The following DLGAP2 variants were observed in gnomAD, a reference collection of about 807,000 sequenced individuals.
DLGAP2 encodes DLG associated protein 2, also known as disks large-associated protein 2.
DLGAP2 carries 26 observed loss-of-function variants against 100.3 expected under a neutral mutation model. The observed-to-expected ratio is 0.26, with a 90% CI of 0.19 to 0.36. The LOEUF (loss-of-function observed/expected upper bound fraction) is 0.36, where lower values mean the gene tolerates loss of function less well. DLGAP2 is among the 10% of genes least tolerant of loss of function. The pLI is 1.00. For synonymous variants in DLGAP2, 886 were observed against 630.1 expected, an observed-to-expected ratio of 1.41 and a Z score of -6.08; for missense variants, 1,858 against 1,453.2, an observed-to-expected ratio of 1.28 and a Z score of -4.53.
At position 861,305 on chromosome 8, in the gene DLGAP2, C is replaced by A. The variant is rs985914731; in HGVS notation, c.19-46607C>A. On this transcript the variant is annotated intron_variant, in intron 1 of 14. Transcript: ENST00000637795. ...CGTAGGTTAGGTACAGACACTGCCC[C>A]TTTTTATATAAGGGACTTGAGCATT... 1.7e-4 allele frequency among the ~76,000 whole-genome samples: 26 copies of A among 152,160 alleles called. 1 individual carries two copies.
chr8:1,250,780 T>G (rs530556350), intron 2 of DLGAP2, among the ~76,000 whole-genome samples: 166 of 152,330 alleles, frequency 1.1e-3, no homozygotes, highest in Non-Finnish European at 2.1e-3. Flanking sequence ...TTGAAGGAAC[T>G]GTCCTACACA....
At chr8:1,036,667 C>T (rs1156582648) in intron 2 of DLGAP2, among the ~76,000 whole-genome samples, 1 of 151,988 alleles carries the variant, frequency 6.6e-6, no homozygotes, top group Non-Finnish European at 1.5e-5. Context: ...AACCGTGCAC[C>T]CTAGAGAGCA....
At chr8:1,165,422 A>T (rs1585115348) in intron 2 of DLGAP2, among the ~76,000 whole-genome samples, 1 of 152,128 alleles carries the variant, frequency 6.6e-6, no homozygotes, top group East Asian at 1.9e-4. Flanking sequence ...CTGTGATCAG[A>T]GGCTGGTTTT....
intron 6 of DLGAP2, among the ~76,000 whole-genome samples, chr8:1,615,069 A>C (rs1173474613): frequency 6.6e-6 from 1 of 152,218 alleles, no homozygotes; most frequent in Non-Finnish European, 1.5e-5. Context: ...CTGTTACAGG[A>C]TGGAATTTGG....
At chr8:1,283,275 G>A (rs967076522) in intron 3 of DLGAP2, among the ~76,000 whole-genome samples, 74 of 149,938 alleles carry the variant, frequency 4.9e-4, no homozygotes, top group African/African-American at 1.7e-3. Context: ...TGAACCATCC[G>A]GACGTGGTGC....
rs185024537 is a variant in DLGAP2 at position 1,684,593 on chromosome 8, G to A, written c.2704+5964G>A. ...AACTGATTGAATGAATCTAGATTCA[G>A]TCAGTCTTCTATGGTTAATAAAATC... On this transcript the variant is annotated intron_variant, in intron 12 of 14. Coordinates refer to ENST00000637795, the MANE Select transcript of DLGAP2 (RefSeq NM_001346810.2). Among the ~76,000 whole-genome samples, 169 of 152,166 alleles carry A rather than the reference G, an allele frequency of 1.1e-3. 5 individuals are homozygous for A. The highest frequency in any genetic ancestry group is 3.8e-3 in the African/African-American group (156 of 41,488).
chr8:1,461,031 A>C (rs1033337008), intron 3 of DLGAP2, among the ~76,000 whole-genome samples: 2 of 150,986 alleles, frequency 1.3e-5, no homozygotes, highest in African/African-American at 4.9e-5. Context: ...TGGGCTGGGC[A>C]CAGTCGCTGA....
intron 3 of DLGAP2, among the ~76,000 whole-genome samples, chr8:1,356,576 C>T (rs1446473570): frequency 6.6e-6 from 1 of 152,066 alleles, no homozygotes; most frequent in Non-Finnish European, 1.5e-5. Context: ...ACCCTGTGGC[C>T]CCCCAGGCAG....
chr8:1,198,999 G>C (rs76904521), intron 2 of DLGAP2, among the ~76,000 whole-genome samples: 7,130 of 152,356 alleles, frequency 0.047, 307 homozygotes, highest in Admixed American at 0.12. Context: ...CTGAGTTTCA[G>C]CTGCTCCTTA....
At chr8:1,572,608 G>A (rs1244594896) in intron 6 of DLGAP2, among the ~76,000 whole-genome samples, 2 of 141,524 alleles carry the variant, frequency 1.4e-5, no homozygotes, top group Non-Finnish European at 3.1e-5. Context: ...AGAGGAGAGG[G>A]TGAACTGTGG....
chr8:1,697,442 A>T (rs1047932478), intron 14 of DLGAP2, 143 bp downstream of exon 14: 37 of 1,198,328 alleles, frequency 3.1e-5, no homozygotes, highest in Middle Eastern at 2.0e-4. Context: ...GTATGTGTGC[A>T]CATGTGTATA....
At chr8:915,660 GC>G in intron 2 of DLGAP2, among the ~76,000 whole-genome samples, 1 of 152,298 alleles carries the variant, frequency 6.6e-6, no homozygotes, top group South Asian at 2.1e-4. Flanking sequence ...GGCTGGTCAT[GC>G]GTTTGCCTTA....
At chr8:963,111 C>T (rs2129010475) in intron 2 of DLGAP2, among the ~76,000 whole-genome samples, 1 of 152,296 alleles carries the variant, frequency 6.6e-6, no homozygotes, top group South Asian at 2.1e-4. Context: ...GCATGAAAAG[C>T]AGCAACAGCG....
Position 1,479,631 on chromosome 8 carries a change from C to T in DLGAP2, c.107-21735C>T, listed in dbSNP as rs78767176. 7.8e-3 allele frequency among the ~76,000 whole-genome samples: 1,182 copies of T among 152,254 alleles called. 12 individuals are homozygous for T. The highest frequency in any genetic ancestry group is 0.027 in the African/African-American group (1,106 of 41,554). On this transcript the variant is annotated intron_variant, in intron 3 of 14. Coordinates refer to ENST00000637795, the MANE Select transcript of DLGAP2 (RefSeq NM_001346810.2). ...CAATAAATGGTAGAGTTTGCTCTTT[C>T]ATTTCGGTGAGTCATTCATTTCTGT... is the stretch of plus-strand genomic sequence containing the variant.
intron 2 of DLGAP2, among the ~76,000 whole-genome samples, chr8:1,108,845 G>T (rs1319945469): frequency 1.0e-4 from 14 of 136,474 alleles, no homozygotes; most frequent in African/African-American, 3.9e-4. Context: ...AAGTGTGCTG[G>T]GTCTGTGAGG....
chr8:897,759 A>G (rs547417854), intron 1 of DLGAP2, among the ~76,000 whole-genome samples: 2 of 152,028 alleles, frequency 1.3e-5, no homozygotes, highest in Non-Finnish European at 2.9e-5. Flanking sequence ...AGCACCGCAG[A>G]TGCTCTTCTG....
chr8:1,066,144 C>T (rs959163319), intron 2 of DLGAP2, among the ~76,000 whole-genome samples: 1 of 150,354 alleles, frequency 6.7e-6, no homozygotes, highest in Non-Finnish European at 1.5e-5. Context: ...GAGGACAGCT[C>T]CCCACCACAG....
chr8:1,070,626 G>A lies in DLGAP2; in HGVS notation c.73+162660G>A, dbSNP rs572272920. ...AGGTGCAGCTTTCACATACATACGCGTATGTGAAAAGTGTGAGTGTGTCTG... is the reference window on the plus strand; with the variant it reads ...AGGTGCAGCTTTCACATACATACGCATATGTGAAAAGTGTGAGTGTGTCTG... On this transcript the variant is annotated intron_variant, in intron 2 of 14. Coordinates refer to ENST00000637795, the MANE Select transcript of DLGAP2 (RefSeq NM_001346810.2). 5.3e-5 allele frequency among the ~76,000 whole-genome samples: 8 copies of A among 152,210 alleles called. No individual in the cohort carries two copies. The East Asian group carries it at 5.8e-4, about 11-fold the overall frequency.
chr8:771,068 C>T (rs1017364480), intron 1 of DLGAP2, among the ~76,000 whole-genome samples: 3 of 152,090 alleles, frequency 2.0e-5, no homozygotes, highest in Admixed American at 1.3e-4. Context: ...TTCTCCATTT[C>T]GTGAAGTTGT....
Sources: allele counts gnomAD v4.1 joint callset (sites outside exome capture counted in the v4.1 genomes callset), GRCh38; gene constraint gnomAD v4.1.1; transcripts MANE v1.5; gene names NCBI Gene and HGNC (gene_info 2026-07-23, HGNC 2026-07-21).